The following LURAP1L variants were observed in gnomAD, a reference collection of about 807,000 sequenced individuals.
LURAP1L encodes leucine rich adaptor protein 1-like.
A neutral mutation model predicts 13.8 loss-of-function variants in LURAP1L; 12 were observed. That is an observed-to-expected ratio of 0.87 (90% CI 0.56 to 1.41). The LOEUF is 1.41. Ranked by LOEUF, LURAP1L falls within the 40% of genes most tolerant of loss-of-function variation. LURAP1L has a pLI of 0.00. For synonymous variants in LURAP1L, 139 were observed against 119.2 expected (o/e 1.17, Z -1.08); for missense variants, 375 against 292.9 (o/e 1.28, Z -2.04).
Position 12,808,531 on chromosome 9 carries a change from T to A in LURAP1L, c.313-12855T>A, listed in dbSNP as rs544675641. On this transcript the variant is annotated intron_variant, in intron 1 of 1. Transcript: ENST00000319264. Reference sequence around the variant, plus strand: ...ATTTTAGGTTAGTAGTCTTTTTTTTTAAGACGGGATAAATATTTTACTCCA... The same window carrying A: ...ATTTTAGGTTAGTAGTCTTTTTTTTAAAGACGGGATAAATATTTTACTCCA... Among the ~76,000 whole-genome samples, 355 of 152,240 alleles carry A rather than the reference T, an allele frequency of 2.3e-3. 1 individual carries two copies. Among genetic ancestry groups the A allele is most frequent in the African/African-American group, 8.4e-3 (348 of 41,552 alleles).
At chr9:12,808,845 T>C (rs1345610886) in intron 1 of LURAP1L, among the ~76,000 whole-genome samples, 1 of 152,182 alleles carries the variant, frequency 6.6e-6, no homozygotes, top group Non-Finnish European at 1.5e-5. Flanking sequence ...ATTCCCATTA[T>C]ACATGTGTTA....
At chr9:12,812,628 T>C (rs73403697) in intron 1 of LURAP1L, among the ~76,000 whole-genome samples, 14,354 of 152,248 alleles carry the variant, frequency 0.094, 816 homozygotes, top group South Asian at 0.24. Context: ...CAAACAGATT[T>C]AATTATAGTA....
At chr9:12,793,294 T>C (rs947070099) in intron 1 of LURAP1L, among the ~76,000 whole-genome samples, 1 of 152,138 alleles carries the variant, frequency 6.6e-6, no homozygotes, top group Admixed American at 6.6e-5. Flanking sequence ...AGATTTTCTA[T>C]ACCAATATGT....
chr9:12,797,293 T>C (rs995710461), intron 1 of LURAP1L, among the ~76,000 whole-genome samples: 1 of 152,060 alleles, frequency 6.6e-6, no homozygotes, highest in South Asian at 2.1e-4. Context: ...CTCTAATAAC[T>C]ACAAAACCAG....
At chr9:12,801,255 C>T (rs1819581779) in intron 1 of LURAP1L, among the ~76,000 whole-genome samples, 1 of 151,700 alleles carries the variant, frequency 6.6e-6, no homozygotes, top group Non-Finnish European at 1.5e-5. Flanking sequence ...ACTAATGGAG[C>T]TTAGCCGCAT....
chr9:12,776,572 A>G (rs1312103172), intron 1 of LURAP1L, among the ~76,000 whole-genome samples: 1 of 151,936 alleles, frequency 6.6e-6, no homozygotes, highest in Non-Finnish European at 1.5e-5. Context: ...CAGCAGCCGC[A>G]GCTGTTCCAA....
intron 1 of LURAP1L, among the ~76,000 whole-genome samples, chr9:12,788,988 G>A (rs1267236215): frequency 2.0e-5 from 3 of 151,120 alleles, no homozygotes; most frequent in Non-Finnish European, 2.9e-5. Context: ...GATCTCTGGA[G>A]CCCAGTAGTC....
intron 1 of LURAP1L, among the ~76,000 whole-genome samples, chr9:12,816,322 C>A (rs1318892521): frequency 6.6e-6 from 1 of 152,142 alleles, no homozygotes; most frequent in Non-Finnish European, 1.5e-5. Flanking sequence ...TACTTTACCA[C>A]CTTCACTGAG....
chr9:12,785,937 C>T (rs1025584121), intron 1 of LURAP1L, among the ~76,000 whole-genome samples: 1 of 152,056 alleles, frequency 6.6e-6, no homozygotes, highest in Non-Finnish European at 1.5e-5. Context: ...TCTATTCAGC[C>T]GTCTTGCTCC....
intron 1 of LURAP1L, among the ~76,000 whole-genome samples, chr9:12,793,883 A>G (rs1480872755): frequency 6.6e-6 from 1 of 152,114 alleles, no homozygotes; most frequent in African/African-American, 2.4e-5. Flanking sequence ...AGCTCAAAAT[A>G]TGGTCATTAG....
chr9:12,787,361 C>G (rs2118479375), intron 1 of LURAP1L, among the ~76,000 whole-genome samples: 1 of 152,164 alleles, frequency 6.6e-6, no homozygotes, highest in Non-Finnish European at 1.5e-5. Flanking sequence ...TATATATGCA[C>G]TTGGCTTCAA....
chr9:12,810,340 G>C (rs538883709), intron 1 of LURAP1L, among the ~76,000 whole-genome samples: 5 of 152,118 alleles, frequency 3.3e-5, no homozygotes, highest in Admixed American at 6.5e-5. Flanking sequence ...TCTGCTTCCA[G>C]TTTTCTGTTC....
chr9:12,805,915 C>G (rs1486080353), intron 1 of LURAP1L, among the ~76,000 whole-genome samples: 1 of 152,104 alleles, frequency 6.6e-6, no homozygotes, highest in Non-Finnish European at 1.5e-5. Flanking sequence ...TGTGGAACTT[C>G]CTGGCCAAGA....
In LURAP1L at chr9:12,822,248, T is replaced by G. The variant is rs528425110; in HGVS notation, c.*488T>G. On this transcript the variant is annotated 3_prime_UTR_variant, in exon 2 of 2. Transcript: ENST00000319264. The stretch of plus-strand genomic sequence containing the variant: ...GCTTGGAACAAAATTAAGCATTATT[T>G]CTAGACCACAACATTCTAGTGTATA... The G allele has an allele frequency of 6.4e-6, 1 of 156,938 alleles. No homozygotes were observed. The highest frequency in any genetic ancestry group is 6.2e-5 in the Admixed American group (1 of 16,246). 9.7% of individuals were successfully genotyped at this position (156,938 alleles called of 1,614,324 possible). A position where few individuals can be genotyped will look rare whatever the true frequency, so the allele number is the denominator to read the frequency against.
At chr9:12,784,159 G>A (rs898462054) in intron 1 of LURAP1L, among the ~76,000 whole-genome samples, 9 of 152,084 alleles carry the variant, frequency 5.9e-5, no homozygotes, top group African/African-American at 1.9e-4. Context: ...CTGTCTGAGA[G>A]GTCACATATC....
intron 1 of LURAP1L, among the ~76,000 whole-genome samples, chr9:12,799,705 C>T (rs949423805): frequency 5.9e-5 from 9 of 152,030 alleles, no homozygotes; most frequent in East Asian, 3.9e-4. Context: ...ATGGTGAAAC[C>T]TCATCTCTAC....
chr9:12,799,233 A>G (rs1012806598), intron 1 of LURAP1L, among the ~76,000 whole-genome samples: 1 of 152,158 alleles, frequency 6.6e-6, no homozygotes, highest in African/African-American at 2.4e-5. Context: ...TCTGACTCCA[A>G]AATTAACTAT....
At position 12,775,756 on chromosome 9, in the gene LURAP1L, T is replaced by A; in HGVS notation, c.41T>A (p.Leu14Gln). The stretch of plus-strand genomic sequence containing the variant: ...CTGCCAGACCTCAGAGACATCGAGC[T>A]GAAGCTGGGGCGCAAAGTACCCGAG... ...SPLPDLRDIELKLGRKVPESL... is the reference protein window; with the variant it reads ...SPLPDLRDIEQKLGRKVPESL... The change falls in exon 1 of 2, where the codon CTG (leucine) becomes CAG (glutamine). Residue 14 changes from leucine to glutamine, a missense_variant. Physicochemically the swap from Leu to Gln is moderately radical, Grantham distance 113. Coordinates refer to ENST00000319264, the MANE Select transcript of LURAP1L (RefSeq NM_203403.2). 6.2e-7 allele frequency: 1 copy of A among 1,605,510 alleles called. No individual in the cohort carries two copies. Among genetic ancestry groups the A allele is most frequent in the South Asian group, 1.1e-5 (1 of 90,398 alleles).
At chr9:12,788,309 T>C (rs1381200599) in intron 1 of LURAP1L, among the ~76,000 whole-genome samples, 1 of 152,162 alleles carries the variant, frequency 6.6e-6, no homozygotes, top group Non-Finnish European at 1.5e-5. Context: ...TGCCTTGCCT[T>C]GGCAAGGATG....
Sources: gnomAD v4.1 joint callset for allele counts (sites outside exome capture counted in the v4.1 genomes callset) on GRCh38, gnomAD v4.1.1 for gene constraint, MANE v1.5 for transcripts, NCBI Gene and HGNC (gene_info 2026-07-23, HGNC 2026-07-21) for gene names.